Variants in RPS6KC1 observed in about 807,000 individuals in gnomAD.
The protein encoded by RPS6KC1 is ribosomal protein S6 kinase C1.
Under a neutral mutation model 103.8 loss-of-function variants are expected in RPS6KC1, and 54 were observed. The ratio of observed to expected loss-of-function variants is 0.52; its 90% CI spans 0.42 to 0.65. The LOEUF (loss-of-function observed/expected upper bound fraction) is 0.65. RPS6KC1 is among the 30% of genes least tolerant of loss of function. The probability of loss-of-function intolerance (pLI) is 0.00; values close to 1 mark genes in which losing one functional copy is unlikely to be tolerated. For synonymous variants in RPS6KC1, 439 were observed against 438.7 expected (o/e 1.00, Z -0.01); for missense variants, 1,151 against 1,253.8 (o/e 0.92, Z 1.24).
chr1:213,148,986 A>G (rs866210577), intron 6 of RPS6KC1, among the ~76,000 whole-genome samples: 22 of 152,288 alleles, frequency 1.4e-4, no homozygotes, highest in South Asian at 8.3e-4. Flanking sequence ...TTAGCTACTA[A>G]TGATCCTTTG....
At chr1:213,470,738 A>G in the RPS6KC1 span, among the ~76,000 whole-genome samples, 2 of 150,172 alleles carry the variant, frequency 1.3e-5, no homozygotes, top group Non-Finnish European at 2.9e-5. Flanking sequence ...CGCCCACCTC[A>G]GCCTCCTGAG....
the RPS6KC1 span, among the ~76,000 whole-genome samples, chr1:213,327,236 A>AAAGAAAGAAAG: frequency 2.8e-5 from 4 of 144,584 alleles, no homozygotes; most frequent in Admixed American, 1.4e-4. Context: ...GAAAGAAAAG[A>AAAGAAAGAAAG]AAAGAAAGAA....
intron 8 of RPS6KC1, among the ~76,000 whole-genome samples, chr1:213,219,329 C>G (rs372819965): frequency 3.3e-5 from 5 of 152,188 alleles, no homozygotes; most frequent in South Asian, 2.1e-4. Flanking sequence ...ACACCAGTTA[C>G]AATGGCGATC....
intron 3 of RPS6KC1, among the ~76,000 whole-genome samples, chr1:213,080,200 G>T (rs545087448): frequency 1.3e-5 from 2 of 152,242 alleles, no homozygotes; most frequent in East Asian, 3.9e-4. Flanking sequence ...TTACAGGCGT[G>T]AGCCACTGCG....
the RPS6KC1 span, among the ~76,000 whole-genome samples, chr1:213,721,159 GGAAGGTGACAGGCACT>G: frequency 6.6e-6 from 1 of 152,190 alleles, no homozygotes; most frequent in African/African-American, 2.4e-5. Context: ...GGGAAAAGAG[GGAAGGTGACAGGCACT>G]GAAGGTGAAG....
rs989554356 is a variant in RPS6KC1, at chr1:213,273,868, C to G, written c.*1234C>G. On this transcript the variant is annotated 3_prime_UTR_variant, in exon 15 of 15. Coordinates refer to ENST00000366960, the MANE Select transcript of RPS6KC1 (RefSeq NM_012424.6). ...TAAACGTTAGCCAAAGAAGAAGTCA[C>G]TATTTCCAAGTTAGAAACCACCAGA... 1 of 152,076 alleles carries G rather than the reference C, an allele frequency of 6.6e-6. No homozygotes were observed. Among genetic ancestry groups the G allele is most frequent in the Non-Finnish European group, 1.5e-5 (1 of 68,026 alleles). 9.4% of individuals were successfully genotyped at this position (152,076 alleles called of 1,614,324 possible).
intron 7 of RPS6KC1, among the ~76,000 whole-genome samples, chr1:213,172,973 G>A (rs1323873353): frequency 6.6e-6 from 1 of 152,138 alleles, no homozygotes. Flanking sequence ...ATAGCGCAAT[G>A]GGCCAAGTTT....
At chr1:213,639,227 A>G in the RPS6KC1 span, among the ~76,000 whole-genome samples, 1 of 152,038 alleles carries the variant, frequency 6.6e-6, no homozygotes, top group Non-Finnish European at 1.5e-5. Flanking sequence ...ACTTTTCTCT[A>G]GGAGGTTTTT....
At chr1:213,101,959 A>G (rs1446777493) in intron 3 of RPS6KC1, among the ~76,000 whole-genome samples, 1 of 152,146 alleles carries the variant, frequency 6.6e-6, no homozygotes, top group Non-Finnish European at 1.5e-5. Flanking sequence ...GGTTTTACCT[A>G]TTGGGGTTCT....
chr1:213,115,707 C>G (rs886581006), intron 4 of RPS6KC1, among the ~76,000 whole-genome samples: 7 of 152,090 alleles, frequency 4.6e-5, no homozygotes, highest in African/African-American at 1.7e-4. Flanking sequence ...ATAAATTTCC[C>G]TCTACACACT....
At chr1:213,446,442 T>A in the RPS6KC1 span, among the ~76,000 whole-genome samples, 2 of 152,332 alleles carry the variant, frequency 1.3e-5, no homozygotes, top group Admixed American at 6.5e-5. Flanking sequence ...CCAGCTAGAA[T>A]CTCAGGCAGG....
rs555330863 is a variant in RPS6KC1, at chr1:213,207,698, CTG to C, written c.1045-22795_1045-22794del. 2.3e-3 allele frequency among the ~76,000 whole-genome samples: 350 copies of C among 151,954 alleles called. 1 individual carries two copies. Among genetic ancestry groups the C allele is most frequent in the Non-Finnish European group, 3.7e-3 (249 of 67,930 alleles). ...TTTTTTGTTTGTTTGTTTTGAGACA[CTG>C]TGTCACTCTGTTGCCCAGGCTGGAG... is the stretch of plus-strand genomic sequence containing the variant. On this transcript the variant is annotated intron_variant, in intron 8 of 14. Coordinates refer to ENST00000366960, the MANE Select transcript of RPS6KC1 (RefSeq NM_012424.6).
chr1:213,644,959 A>G, the RPS6KC1 span, among the ~76,000 whole-genome samples: 4 of 152,204 alleles, frequency 2.6e-5, no homozygotes, highest in African/African-American at 4.8e-5. Flanking sequence ...GTTACTAGCT[A>G]AAATTAGACA....
At chr1:213,270,899 C>CTG (rs2095032784) in intron 14 of RPS6KC1, among the ~76,000 whole-genome samples, 1 of 152,094 alleles carries the variant, frequency 6.6e-6, no homozygotes, top group Non-Finnish European at 1.5e-5. Context: ...CTACTAACAT[C>CTG]AGGAGAAGGG....
chr1:213,794,289 G>A, the RPS6KC1 span: 5 of 152,054 alleles, frequency 3.3e-5, no homozygotes, highest in Admixed American at 3.3e-4. Flanking sequence ...AAACATAAAG[G>A]TAGAAACAAC....
chr1:213,183,203 A>G (rs1446199648), intron 8 of RPS6KC1, among the ~76,000 whole-genome samples: 1 of 152,106 alleles, frequency 6.6e-6, no homozygotes, highest in Non-Finnish European at 1.5e-5. Context: ...GTGAAAGGAG[A>G]AATAGGCAGT....
intron 8 of RPS6KC1, among the ~76,000 whole-genome samples, chr1:213,227,279 C>G (rs963412363): frequency 6.6e-6 from 1 of 152,176 alleles, no homozygotes; most frequent in African/African-American, 2.4e-5. Flanking sequence ...GCTCTATTCC[C>G]ATGTCGTCAT....
At chr1:213,625,116 C>T in the RPS6KC1 span, among the ~76,000 whole-genome samples, 3 of 151,966 alleles carry the variant, frequency 2.0e-5, no homozygotes, top group African/African-American at 4.8e-5. Context: ...CCGAGTAGCC[C>T]GCCTTGGCCT....
the RPS6KC1 span, among the ~76,000 whole-genome samples, chr1:213,539,233 C>T: frequency 2.6e-5 from 4 of 152,168 alleles, no homozygotes; most frequent in African/African-American, 4.8e-5. Flanking sequence ...CAGAAGTCAG[C>T]GACCAGAGAA....
Sources: gnomAD v4.1 joint callset for allele counts (sites outside exome capture counted in the v4.1 genomes callset) on GRCh38, gnomAD v4.1.1 for gene constraint, MANE v1.5 for transcripts, NCBI Gene and HGNC (gene_info 2026-07-23, HGNC 2026-07-21) for gene names.